PDE9A: variants seen among roughly 807,000 people sequenced by gnomAD.
PDE9A encodes the protein high affinity cGMP-specific 3',5'-cyclic phosphodiesterase 9A.
A neutral mutation model predicts 87.4 loss-of-function variants in PDE9A; 60 were observed. The ratio of observed to expected loss-of-function variants is 0.69; its 90% CI spans 0.56 to 0.85. The LOEUF is 0.85. PDE9A is among the 40% of genes least tolerant of loss of function. The probability of loss-of-function intolerance (pLI) is 0.00; values close to 1 mark genes in which losing one functional copy is unlikely to be tolerated. For synonymous variants in PDE9A, 272 were observed against 279.4 expected, an observed-to-expected ratio of 0.97 and a Z score of 0.27; for missense variants, 665 against 779.0, an observed-to-expected ratio of 0.85 and a Z score of 1.74.
chr21:42,700,685 TC>T (rs2048317442), intron 4 of PDE9A: 1 of 152,234 alleles, frequency 6.6e-6, no homozygotes, highest in African/African-American at 2.4e-5. Context: ...GTTCGTTTTC[TC>T]TACACAGATA....
At chr21:42,655,599 C>G (rs2057000944) in intron 1 of PDE9A, among the ~76,000 whole-genome samples, 1 of 152,146 alleles carries the variant, frequency 6.6e-6, no homozygotes, top group African/African-American at 2.4e-5. Flanking sequence ...CTTCCTGTAC[C>G]ACGAGCAAGC....
rs755023331 is a variant in PDE9A, at chr21:42,731,754, T to C, written c.263-16T>C. 1 of 1,607,638 alleles carries C rather than the reference T, an allele frequency of 6.2e-7. No homozygotes were observed. Among genetic ancestry groups the C allele is most frequent in the Admixed American group, 1.7e-5 (1 of 58,752 alleles). ...CTTCCCATATTTGGAAACCCAGTCC[T>C]GCCTGCTTTTTATAGCTGGTGTCGA... On this transcript the variant is annotated splice_polypyrimidine_tract_variant and intron_variant, in intron 4 of 19. Coordinates refer to ENST00000291539, the MANE Select transcript of PDE9A (RefSeq NM_002606.3).
chr21:42,760,524 G>A lies in PDE9A; in HGVS notation c.1002+92G>A. ...GAGCGGCAGCCCCATCCCACCAAGA[G>A]AGCCACAGGCGTGGGGTCCCCAGCC... On this transcript the variant is annotated intron_variant, in intron 12 of 19. Transcript: ENST00000291539. This position sits in a 1 kb window ranked among gnomAD's most constrained non-coding sequence, Gnocchi z 5.2. 1 of 796,762 alleles carries A rather than the reference G, an allele frequency of 1.3e-6. No individual in the cohort carries two copies. Among genetic ancestry groups the A allele is most frequent in the Non-Finnish European group, 2.1e-6 (1 of 484,134 alleles). The allele number at this position is 796,762 out of a possible 1,614,324, so 49.4% of individuals were successfully genotyped here.
chr21:42,766,331 CAG>C (rs374484809), intron 15 of PDE9A, among the ~76,000 whole-genome samples: 2 of 151,230 alleles, frequency 1.3e-5, no homozygotes, highest in African/African-American at 2.4e-5. Context: ...TCTCAGATAA[CAG>C]AGAGAGAGAG....
chr21:42,663,410 G>A (rs1350436862), intron 1 of PDE9A, among the ~76,000 whole-genome samples: 1 of 152,248 alleles, frequency 6.6e-6, no homozygotes, highest in African/African-American at 2.4e-5. Flanking sequence ...GTTGAGTGGG[G>A]ACGAGGCAGG....
intron 4 of PDE9A, among the ~76,000 whole-genome samples, chr21:42,701,499 C>T (rs1463620828): frequency 6.6e-6 from 1 of 151,284 alleles, no homozygotes; most frequent in Non-Finnish European, 1.5e-5. Context: ...TGCAGTGATG[C>T]GGTCATAGCT....
At chr21:42,762,915 A>G (rs2055963513) in intron 14 of PDE9A, among the ~76,000 whole-genome samples, 1 of 151,094 alleles carries the variant, frequency 6.6e-6, no homozygotes, top group African/African-American at 2.4e-5. Flanking sequence ...CTGGTCTTGA[A>G]CTCCAGACCT....
rs180989161 is a variant in PDE9A at position 42,696,904 on chromosome 21, G to T, written c.219-2064G>T. On this transcript the variant is annotated intron_variant, in intron 3 of 19. Transcript: ENST00000291539. The surrounding 1 kb of genome is among the most constrained non-coding windows in gnomAD (Gnocchi z 5.1). ...CCCTCTCCACCTGGGGAGCTTGGAG[G>T]ACTTTGCTCTGCACTTAGGGCCACG... Among the ~76,000 whole-genome samples, 508 of 152,246 alleles carry T rather than the reference G, an allele frequency of 3.3e-3. No homozygotes were observed. The highest frequency in any genetic ancestry group is 0.012 in the African/African-American group (493 of 41,550).
chr21:42,763,539 A>G (rs1388902791), intron 14 of PDE9A, among the ~76,000 whole-genome samples: 1 of 152,170 alleles, frequency 6.6e-6, no homozygotes, highest in Non-Finnish European at 1.5e-5. Context: ...CTTCTTTGAG[A>G]GCAGGGCCCT....
At chr21:42,769,949 G>A (rs941050078) in intron 17 of PDE9A, among the ~76,000 whole-genome samples, 1 of 152,102 alleles carries the variant, frequency 6.6e-6, no homozygotes, top group Non-Finnish European at 1.5e-5. Context: ...GGGCCCTGGG[G>A]GGCCCCTCAC....
chr21:42,702,482 G>A lies in PDE9A; in HGVS notation c.262+3471G>A, dbSNP rs1167424160. ...GTCTCTGTTGATTGATTTATCTCCT[G>A]GGTATGGGTCATATTTTTCTGATTC... is the stretch of plus-strand genomic sequence containing the variant. On this transcript the variant is annotated intron_variant, in intron 4 of 19. Transcript: ENST00000291539. This position sits in a 1 kb window ranked among gnomAD's most constrained non-coding sequence, Gnocchi z 4.9. Among the ~76,000 whole-genome samples the A allele has an allele frequency of 1.3e-5, 2 of 152,044 alleles. No homozygotes were observed. Among genetic ancestry groups the A allele is most frequent in the Non-Finnish European group, 2.9e-5 (2 of 68,022 alleles).
chr21:42,667,029 C>T (rs1355384375), intron 1 of PDE9A, among the ~76,000 whole-genome samples: 2 of 152,204 alleles, frequency 1.3e-5, no homozygotes, highest in African/African-American at 4.8e-5. Context: ...CGCCCCAACC[C>T]CAGCATGTTG....
intron 4 of PDE9A, among the ~76,000 whole-genome samples, chr21:42,710,561 C>A (rs1032949876): frequency 1.1e-4 from 16 of 152,186 alleles, no homozygotes; most frequent in Non-Finnish European, 1.9e-4. Context: ...TTTAGACATT[C>A]GAGTAGGTGT....
At chr21:42,712,083 T>A (rs2146471800) in intron 4 of PDE9A, among the ~76,000 whole-genome samples, 1 of 149,222 alleles carries the variant, frequency 6.7e-6, no homozygotes, top group Admixed American at 6.6e-5. Context: ...AAAAAAGCCA[T>A]CTATGACTTT....
At position 42,752,986 on chromosome 21, in the gene PDE9A, C is replaced by T. The variant is rs919860735; in HGVS notation, c.736-1004C>T. On this transcript the variant is annotated intron_variant, in intron 9 of 19. Transcript: ENST00000291539. ...ATTTATGCCAAGTGAATTTTACCCC[C>T]ACACTTCACTTTATTGCCCTTTTTT... 4.0e-5 allele frequency among the ~76,000 whole-genome samples: 6 copies of T among 151,432 alleles called. No homozygotes were observed. The South Asian group carries it at 1.3e-3, about 32-fold the overall frequency.
chr21:42,682,422 C>T (rs1024569061), intron 1 of PDE9A, among the ~76,000 whole-genome samples: 1 of 152,136 alleles, frequency 6.6e-6, no homozygotes, highest in South Asian at 2.1e-4. Context: ...AAGGCTGGTC[C>T]CCCTAGGTGT....
rs527409153 is a variant in PDE9A, at chr21:42,751,609, T to C, written c.735+412T>C. ...TTGCTCTTTTGCACAAAAGTGTTCT[T>C]AGTTCTAAGAGAAGCTGTGACGTTG... On this transcript the variant is annotated intron_variant, in intron 9 of 19. Coordinates refer to ENST00000291539, the MANE Select transcript of PDE9A (RefSeq NM_002606.3). Among the ~76,000 whole-genome samples, 284 of 152,360 alleles carry C rather than the reference T, an allele frequency of 1.9e-3. 1 individual carries two copies. Among genetic ancestry groups the C allele is most frequent in the African/African-American group, 5.6e-3 (235 of 41,596 alleles).
chr21:42,768,187 G>A lies in PDE9A; in HGVS notation c.1357-1G>A. ...CTCAATTCCAAAATCTCTTCTTTCA[G>A]CTGAAGATGATTTTGATAAAATGCT... On this transcript the variant is annotated splice_acceptor_variant, in intron 15 of 19. Transcript: ENST00000291539. LOFTEE classifies it high-confidence loss of function. 1 of 1,591,622 alleles carries A rather than the reference G, an allele frequency of 6.3e-7. No homozygotes were observed. Among genetic ancestry groups the A allele is most frequent in the Non-Finnish European group, 8.6e-7 (1 of 1,159,456 alleles).
In PDE9A at chr21:42,724,818, G is replaced by A. The variant is rs565358653; in HGVS notation, c.263-6952G>A. The stretch of plus-strand genomic sequence containing the variant: ...CTGAACTGAGCACACCACAGAAGGT[G>A]TGGACAGAGTGGCATGAAACATGAC... On this transcript the variant is annotated intron_variant, in intron 4 of 19. Transcript: ENST00000291539. 3.9e-4 allele frequency among the ~76,000 whole-genome samples: 59 copies of A among 152,386 alleles called. No homozygotes were observed. The South Asian group carries it at 9.7e-3, about 25-fold the overall frequency.
Sources: allele counts gnomAD v4.1 joint callset (sites outside exome capture counted in the v4.1 genomes callset), GRCh38; gene constraint gnomAD v4.1.1; non-coding constraint Gnocchi (gnomAD v3.1); transcripts MANE v1.5; gene names NCBI Gene and HGNC (gene_info 2026-07-23, HGNC 2026-07-21).